FNIP1: variants seen among roughly 807,000 people sequenced by gnomAD.
The protein encoded by FNIP1 is folliculin-interacting protein 1.
A neutral mutation model predicts 124.5 loss-of-function variants in FNIP1; 40 were observed. That is an observed-to-expected ratio of 0.32 (90% CI 0.25 to 0.42). The LOEUF (loss-of-function observed/expected upper bound fraction) is 0.42. Among genes scored for constraint, FNIP1 ranks in the 10% least tolerant of loss-of-function variants. The pLI is 1.00. For synonymous variants in FNIP1, 472 were observed against 470.6 expected, an observed-to-expected ratio of 1.00 and a Z score of -0.04; for missense variants, 1,176 against 1,403.7, an observed-to-expected ratio of 0.84 and a Z score of 2.59.
At chr5:131,695,799 C>G (rs1768672931) in intron 11 of FNIP1, among the ~76,000 whole-genome samples, 1 of 152,178 alleles carries the variant, frequency 6.6e-6, no homozygotes, top group East Asian at 1.9e-4. Flanking sequence ...AAAATGTCTG[C>G]TGGCTGGCTG....
chr5:131,791,301 C>G (rs1354685294), intron 1 of FNIP1, among the ~76,000 whole-genome samples: 1 of 152,050 alleles, frequency 6.6e-6, no homozygotes, highest in Non-Finnish European at 1.5e-5. Flanking sequence ...AGGCAATGAT[C>G]AACAAAGAAT....
intron 3 of FNIP1, among the ~76,000 whole-genome samples, chr5:131,728,060 G>A (rs2149548228): frequency 6.6e-6 from 1 of 152,294 alleles, no homozygotes; most frequent in Non-Finnish European, 1.5e-5. Context: ...TTAGTCTGAT[G>A]GACTTTCCTT....
intron 15 of FNIP1, among the ~76,000 whole-genome samples, chr5:131,664,441 G>T (rs966962569): frequency 2.0e-5 from 3 of 151,892 alleles, no homozygotes; most frequent in African/African-American, 7.3e-5. Context: ...TTCGAGACCA[G>T]CCTGGATAAT....
chr5:131,718,882 A>C, intron 5 of FNIP1, 104 bp downstream of exon 5: 1 of 888,836 alleles, frequency 1.1e-6, no homozygotes, highest in Non-Finnish European at 1.8e-6. Flanking sequence ...TTAAGGAAAG[A>C]CAGAAAATCT....
intron 15 of FNIP1, among the ~76,000 whole-genome samples, chr5:131,665,509 C>T (rs1767571661): frequency 6.6e-6 from 1 of 150,922 alleles, no homozygotes; most frequent in Admixed American, 6.6e-5. Context: ...CATGTTTTTC[C>T]ATGTAGTCAC....
At chr5:131,662,472 C>T (rs754063366) in intron 15 of FNIP1, among the ~76,000 whole-genome samples, 5 of 152,158 alleles carry the variant, frequency 3.3e-5, no homozygotes, top group Admixed American at 3.3e-4. Context: ...AGTTGAAGTC[C>T]TTTGCAAGCT....
intron 1 of FNIP1, among the ~76,000 whole-genome samples, chr5:131,764,502 G>A (rs573174182): frequency 1.3e-5 from 2 of 151,654 alleles, no homozygotes; most frequent in South Asian, 2.1e-4. Context: ...ATGAGGTTTC[G>A]CCATGTTGCC....
intron 11 of FNIP1, among the ~76,000 whole-genome samples, chr5:131,688,718 A>AAAAAAAAAAAAAG (rs397773993): frequency 6.7e-6 from 1 of 150,046 alleles, no homozygotes; most frequent in African/African-American, 2.4e-5. Context: ...AAAAAAAAAA[A>AAAAAAAAAAAAAG]GGAGCAGGAA....
At chr5:131,728,894 T>C (rs948087701) in intron 3 of FNIP1, among the ~76,000 whole-genome samples, 2 of 152,206 alleles carry the variant, frequency 1.3e-5, no homozygotes, top group African/African-American at 4.8e-5. Context: ...TTGATGTTGA[T>C]GCTATTCCTT....
chr5:131,782,922 C>T (rs1478435983), intron 1 of FNIP1, among the ~76,000 whole-genome samples: 2 of 152,346 alleles, frequency 1.3e-5, no homozygotes, highest in African/African-American at 2.4e-5. Flanking sequence ...CTCGGCCTCC[C>T]GACGTGCTGG....
chr5:131,753,559 A>G (rs1290588136), intron 1 of FNIP1, among the ~76,000 whole-genome samples: 5 of 152,224 alleles, frequency 3.3e-5, no homozygotes, highest in Non-Finnish European at 7.3e-5. Flanking sequence ...GGACAATGAT[A>G]GAAATCAAAG....
chr5:131,722,000 G>C (rs902895317), intron 3 of FNIP1, among the ~76,000 whole-genome samples: 1 of 152,098 alleles, frequency 6.6e-6, no homozygotes, highest in Non-Finnish European at 1.5e-5. Flanking sequence ...AGTCCAGTTT[G>C]TTTTAGGGCA....
chr5:131,793,690 G>A (rs920814713), intron 1 of FNIP1, among the ~76,000 whole-genome samples: 7 of 152,072 alleles, frequency 4.6e-5, no homozygotes, highest in Admixed American at 1.3e-4. Context: ...CTTCTTTATC[G>A]GAAGTCTCTC....
chr5:131,718,915 A>G, intron 5 of FNIP1, 71 bp downstream of exon 5: 3 of 1,287,596 alleles, frequency 2.3e-6, no homozygotes, highest in Non-Finnish European at 2.2e-6. Flanking sequence ...CAGTCCTAAA[A>G]GCAGTTGGTT....
rs1367891676 is a variant in FNIP1, at chr5:131,748,696, CAAAAAAAAAAAAGAA to C, written c.93-4021_93-4007del. Among the ~76,000 whole-genome samples, 152 of 99,926 alleles carry C rather than the reference CAAAAAAAAAAAAGAA, an allele frequency of 1.5e-3. 1 individual carries two copies. The highest frequency in any genetic ancestry group is 5.7e-3 in the African/African-American group (143 of 25,010). The allele number at this position is 99,926 out of a possible 152,430, so 65.6% of individuals were successfully genotyped here. ...TGGGCGACAGAGTGAGACTCTGTCTCAAAAAAAAAAAAGAAAAAAAAAAAAAAAGACTATGTTACT... is the reference window on the plus strand; with the variant it reads ...TGGGCGACAGAGTGAGACTCTGTCTCAAAAAAAAAAAAAGACTATGTTACT... On this transcript the variant is annotated intron_variant, in intron 1 of 17. Transcript: ENST00000510461.
At position 131,717,640 on chromosome 5, in the gene FNIP1, C is replaced by T. The variant is rs1232016266; in HGVS notation, c.531-984G>A. On this transcript the variant is annotated intron_variant, in intron 5 of 17. Coordinates refer to ENST00000510461, the MANE Select transcript of FNIP1 (RefSeq NM_133372.3). ...ATATTACAAATAACCTATATCACTTCTTTTAGTGTCTCTTTCAGGATAAGA... is the reference window on the plus strand; with the variant it reads ...ATATTACAAATAACCTATATCACTTTTTTTAGTGTCTCTTTCAGGATAAGA... Among the ~76,000 whole-genome samples, 3 of 152,108 alleles carry T rather than the reference C, an allele frequency of 2.0e-5. No individual in the cohort carries two copies. The East Asian group carries it at 5.8e-4, about 29-fold the overall frequency.
chr5:131,659,059 C>T (rs1357375992), intron 15 of FNIP1, among the ~76,000 whole-genome samples: 1 of 152,100 alleles, frequency 6.6e-6, no homozygotes, highest in Non-Finnish European at 1.5e-5. Context: ...GAAGCATTTG[C>T]GATGGACGAT....
At position 131,785,155 on chromosome 5, in the gene FNIP1, GATATATATGACTAT is replaced by G. The variant is rs1561707975; in HGVS notation, c.92+11661_92+11674del. On this transcript the variant is annotated intron_variant, in intron 1 of 17. Coordinates refer to ENST00000510461, the MANE Select transcript of FNIP1 (RefSeq NM_133372.3). ...TGACTATATATATAGTCATATATAT[GATATATATGACTAT>G]ATATATATCATATATATGATATATA... Among the ~76,000 whole-genome samples, 4 of 79,434 alleles carry G rather than the reference GATATATATGACTAT, an allele frequency of 5.0e-5. No individual in the cohort carries two copies. In the East Asian group the frequency reaches 9.3e-4, roughly 18 times the overall value. 52.1% of individuals were successfully genotyped at this position (79,434 alleles called of 152,430 possible).
intron 15 of FNIP1, among the ~76,000 whole-genome samples, chr5:131,666,221 GA>G (rs1309955024): frequency 6.6e-6 from 1 of 152,084 alleles, no homozygotes. Flanking sequence ...ACATGCTTTG[GA>G]AAAATGATTG....
Sources: allele counts gnomAD v4.1 joint callset (sites outside exome capture counted in the v4.1 genomes callset), GRCh38; gene constraint gnomAD v4.1.1; transcripts MANE v1.5; gene names NCBI Gene and HGNC (gene_info 2026-07-23, HGNC 2026-07-21).